Variants in CPZ observed in about 807,000 individuals in gnomAD.
CPZ encodes VEZT/CPZ fusion.
Under a neutral mutation model 61.8 loss-of-function variants are expected in CPZ, and 103 were observed. The ratio of observed to expected loss-of-function variants is 1.67; its 90% CI spans 1.42 to 1.96. The LOEUF (loss-of-function observed/expected upper bound fraction) is 1.96. Ranked by LOEUF, CPZ falls within the 30% of genes most tolerant of loss-of-function variation. The probability of loss-of-function intolerance (pLI) is 0.00; values close to 1 mark genes in which losing one functional copy is unlikely to be tolerated. For missense variants in CPZ, 1,461 were observed against 914.9 expected (o/e 1.60, Z -7.70); for synonymous variants, 551 against 373.7 (o/e 1.47, Z -5.47).
Position 8,607,354 on chromosome 4 carries a change from G to C in CPZ, c.1156G>C (p.Val386Leu), listed in dbSNP as rs902695188. The change falls in exon 7 of 11, where the codon GTG becomes CTG. Residue 386 changes from valine to leucine, a missense_variant. Val to Leu is a conservative substitution (Grantham distance 32). Transcript: ENST00000360986. ...SASLHGGDLV[V>L]SYPFDFSKHP... ...CAGCCTTCATGGGGGCGACCTGGTG[G>C]TGTCCTACCCCTTCGACTTCTCCAA... The C allele has an allele frequency of 1.2e-6, 2 of 1,614,106 alleles. No individual in the cohort carries two copies. The highest frequency in any genetic ancestry group is 1.7e-5 in the Admixed American group (1 of 60,018).
intron 4 of CPZ, among the ~76,000 whole-genome samples, chr4:8,605,544 C>G (rs1205463118): frequency 2.0e-5 from 3 of 148,508 alleles, no homozygotes; most frequent in Admixed American, 6.7e-5. Context: ...ATCCATCTAT[C>G]CATTCATCCA....
intron 1 of CPZ, among the ~76,000 whole-genome samples, chr4:8,597,063 T>G (rs1714233345): frequency 6.6e-6 from 1 of 152,206 alleles, no homozygotes; most frequent in Non-Finnish European, 1.5e-5. Context: ...GGTGCTGGGC[T>G]GAGATCACCT....
intron 7 of CPZ, among the ~76,000 whole-genome samples, chr4:8,607,946 G>C (rs1311846579): frequency 6.6e-6 from 1 of 152,146 alleles, no homozygotes; most frequent in Non-Finnish European, 1.5e-5. Flanking sequence ...TCCCTTTTCC[G>C]GGCCTCAGTT....
chr4:8,593,222 G>A (rs1186670544), intron 1 of CPZ, among the ~76,000 whole-genome samples: 3 of 152,210 alleles, frequency 2.0e-5, no homozygotes, highest in Admixed American at 6.5e-5. Flanking sequence ...CAGCAGGGGC[G>A]CCCTGCAGGT....
chr4:8,606,771 A>G lies in CPZ; in HGVS notation c.941A>G (p.Gln314Arg), dbSNP rs1334396877. 13 of 1,614,052 alleles carry G rather than the reference A, an allele frequency of 8.1e-6. No homozygotes were observed. The highest frequency in any genetic ancestry group is 1.6e-4 in the Middle Eastern group (1 of 6,084). The change falls in exon 6 of 11, where the codon CAG becomes CGG. Residue 314 changes from glutamine (Q) to arginine (R), a missense_variant. Gln to Arg is a conservative substitution (Grantham distance 43). Transcript: ENST00000360986. Reference protein sequence around the residue: ...AGYNGWTSGRQNAQNLDLNRN... With the variant: ...AGYNGWTSGRRNAQNLDLNRN... ...TACAACGGGTGGACGAGCGGGAGGC[A>G]GAACGCGCAGAACCTGGATCTGAAC...
chr4:8,592,864 A>G lies in CPZ; in HGVS notation c.31A>G (p.Thr11Ala), dbSNP rs1288502918. The change falls in exon 1 of 11, where the codon ACA (threonine) becomes GCA (alanine). Residue 11 changes from threonine to alanine, a missense_variant. Coordinates refer to ENST00000360986, the MANE Select transcript of CPZ (RefSeq NM_001014447.3). MPPPLPLLLLTVLVVAAARPG... is the reference protein window; with the variant it reads MPPPLPLLLLAVLVVAAARPG... ...GCCCCCGCTGCCGCTGCTGCTCCTTACAGTCCTGGTCGTCGCCGCTGCCCG... is the reference window on the plus strand; with the variant it reads ...GCCCCCGCTGCCGCTGCTGCTCCTTGCAGTCCTGGTCGTCGCCGCTGCCCG... 1.3e-6 allele frequency: 2 copies of G among 1,527,704 alleles called. No individual in the cohort carries two copies. Among genetic ancestry groups the G allele is most frequent in the Non-Finnish European group, 8.8e-7 (1 of 1,141,512 alleles). 94.6% of individuals were successfully genotyped at this position (1,527,704 alleles called of 1,614,324 possible). A position where few individuals can be genotyped will look rare whatever the true frequency, so the allele number is the denominator to read the frequency against.
rs1464066330 is a variant in CPZ at position 8,614,430 on chromosome 4, C to A, written c.1435C>A (p.Pro479Thr). Residue 479 changes from proline to threonine, a missense_variant, in exon 9 of 11, where the codon CCC (proline) becomes ACC (threonine). Transcript: ENST00000360986. Reference protein sequence around the residue: ...ITVELGCVKFPPEEALYILWQ... With the variant: ...ITVELGCVKFTPEEALYILWQ... ...GGTAGAGCTGGGCTGTGTGAAGTTC[C>A]CCCCCGAGGAGGCCCTGTACATACT... 2 of 1,614,022 alleles carry A rather than the reference C, an allele frequency of 1.2e-6. No homozygotes were observed. Among genetic ancestry groups the A allele is most frequent in the South Asian group, 1.1e-5 (1 of 91,084 alleles).
At chr4:8,608,714 CA>C (rs1201120792) in intron 7 of CPZ, among the ~76,000 whole-genome samples, 1 of 151,664 alleles carries the variant, frequency 6.6e-6, no homozygotes, top group Non-Finnish European at 1.5e-5. Context: ...TCTGGGACTT[CA>C]GGAGGGCTTC....
At chr4:8,601,798 G>A (rs889006932) in intron 3 of CPZ, among the ~76,000 whole-genome samples, 12 of 152,144 alleles carry the variant, frequency 7.9e-5, no homozygotes, top group African/African-American at 1.9e-4. Context: ...CAGTGCCCCC[G>A]CCCAGGGTGC....
At chr4:8,607,105 C>T (rs558345192) in intron 6 of CPZ, among the ~76,000 whole-genome samples, 162 bp from the exon 7 acceptor site, 15 of 152,300 alleles carry the variant, frequency 9.8e-5, no homozygotes, top group Non-Finnish European at 2.2e-4. Flanking sequence ...CCTAGATCCC[C>T]GCAGGGGCCC....
rs563491247 is a variant in CPZ at position 8,619,391 on chromosome 4, A to C, written c.1733A>C (p.Asp578Ala). The change falls in exon 11 of 11, where the codon GAC becomes GCC. Residue 578 changes from aspartate (D) to alanine (A), a missense_variant. Coordinates refer to ENST00000360986, the MANE Select transcript of CPZ (RefSeq NM_001014447.3). ...CGGATGAAGAGGGCTGGCCGTGTGG[A>C]CTTCATTCTGCAACCTCTGGGGATG... is the stretch of plus-strand genomic sequence containing the variant. ...PARMKRAGRVDFILQPLGMGP... is the reference protein window; with the variant it reads ...PARMKRAGRVAFILQPLGMGP... 3.3e-5 allele frequency: 54 copies of C among 1,614,172 alleles called. No individual in the cohort carries two copies. The highest frequency in any genetic ancestry group is 4.4e-5 in the Non-Finnish European group (52 of 1,180,012).
At chr4:8,600,665 A>G (rs1048500110) in intron 2 of CPZ, among the ~76,000 whole-genome samples, 8 of 152,134 alleles carry the variant, frequency 5.3e-5, no homozygotes, top group African/African-American at 1.9e-4. Context: ...GTCATTATCC[A>G]CTTCTCATCC....
chr4:8,608,305 C>G (rs1284095954), intron 7 of CPZ, among the ~76,000 whole-genome samples: 1 of 152,192 alleles, frequency 6.6e-6, no homozygotes, highest in Non-Finnish European at 1.5e-5. Context: ...CCCTCCACCT[C>G]CCTCCCTGCA....
chr4:8,618,310 T>C lies in CPZ; in HGVS notation c.1504-119T>C, dbSNP rs112014997. ...AGCGAGGGCTGGCAGAGTGGGGCTC[T>C]GTGGGGTAGTTCCCCCTAGATACCA... On this transcript the variant is annotated intron_variant, in intron 9 of 10. Transcript: ENST00000360986. 1.9e-3 allele frequency: 1,580 copies of C among 852,644 alleles called. 27 individuals are homozygous for C. The African/African-American group carries it at 0.023, about 13-fold the overall frequency. The allele number at this position is 852,644 out of a possible 1,614,324, so 52.8% of individuals were successfully genotyped here. A position where few individuals can be genotyped will look rare whatever the true frequency, so the allele number is the denominator to read the frequency against.
chr4:8,619,635 G>C lies in CPZ; in HGVS notation c.*18G>C. 1 of 1,474,872 alleles carries C rather than the reference G, an allele frequency of 6.8e-7. No homozygotes were observed. The allele number at this position is 1,474,872 out of a possible 1,614,324, so 91.4% of individuals were successfully genotyped here. A position where few individuals can be genotyped will look rare whatever the true frequency, so the allele number is the denominator to read the frequency against. ...AGTACTAGCCCCGGCCCCAGCACCCGCCAGGATGTGGAGACCGAGGCCCAT... is the reference window on the plus strand; with the variant it reads ...AGTACTAGCCCCGGCCCCAGCACCCCCCAGGATGTGGAGACCGAGGCCCAT... On this transcript the variant is annotated 3_prime_UTR_variant, in exon 11 of 11. Coordinates refer to ENST00000360986, the MANE Select transcript of CPZ (RefSeq NM_001014447.3).
chr4:8,616,177 T>C (rs1417620402), intron 9 of CPZ, among the ~76,000 whole-genome samples: 2 of 152,332 alleles, frequency 1.3e-5, no homozygotes, highest in African/African-American at 4.8e-5. Context: ...ACAGGAGACC[T>C]GGGCGCGGGC....
intron 9 of CPZ, among the ~76,000 whole-genome samples, chr4:8,617,691 G>A (rs888823066): frequency 1.3e-5 from 2 of 152,176 alleles, no homozygotes; most frequent in African/African-American, 4.8e-5. Context: ...CAGCCTCGCT[G>A]GACGGACTCC....
chr4:8,616,953 C>T (rs1406786747), intron 9 of CPZ, among the ~76,000 whole-genome samples: 2 of 152,208 alleles, frequency 1.3e-5, no homozygotes, highest in South Asian at 2.1e-4. Context: ...TTGATGTGCT[C>T]ATCATGGATT....
intron 7 of CPZ, among the ~76,000 whole-genome samples, chr4:8,609,227 C>CTTACTCATTCAT (rs1553877702): frequency 6.7e-6 from 1 of 150,362 alleles, no homozygotes; most frequent in East Asian, 2.0e-4. Context: ...CACTTACTCA[C>CTTACTCATTCAT]TCATTGTCAC....
Sources: gnomAD v4.1 joint callset for allele counts (sites outside exome capture counted in the v4.1 genomes callset) on GRCh38, gnomAD v4.1.1 for gene constraint, MANE v1.5 for transcripts, NCBI Gene and HGNC (gene_info 2026-07-23, HGNC 2026-07-21) for gene names.